The following ATP8A2 variants were observed in gnomAD, a reference collection of about 807,000 sequenced individuals.
ATP8A2 encodes phospholipid-transporting ATPase IB.
Under a neutral mutation model 165.6 loss-of-function variants are expected in ATP8A2, and 100 were observed. The observed-to-expected ratio is 0.60, with a 90% CI of 0.51 to 0.71. ATP8A2 has a LOEUF of 0.71. Among genes scored for constraint, ATP8A2 ranks in the 30% least tolerant of loss-of-function variants. The pLI is 0.00. For missense variants in ATP8A2, 1,227 were observed against 1,479.5 expected, an observed-to-expected ratio of 0.83 and a Z score of 2.80; for synonymous variants, 543 against 548.8, an observed-to-expected ratio of 0.99 and a Z score of 0.15.
chr13:25,588,372 A>G (rs1408559270), intron 23 of ATP8A2, among the ~76,000 whole-genome samples: 2 of 152,160 alleles, frequency 1.3e-5, no homozygotes, highest in African/African-American at 2.4e-5. Context: ...TGTACCTGTT[A>G]GGAGGATTTC....
intron 1 of ATP8A2, among the ~76,000 whole-genome samples, chr13:25,431,624 C>A (rs115338779): frequency 6.6e-6 from 1 of 152,098 alleles, no homozygotes; most frequent in Non-Finnish European, 1.5e-5. Context: ...ACTAAGCAAC[C>A]TTATTTTTTA....
chr13:25,518,306 C>T (rs1258073033), intron 2 of ATP8A2, among the ~76,000 whole-genome samples: 1 of 152,178 alleles, frequency 6.6e-6, no homozygotes, highest in Non-Finnish European at 1.5e-5. Context: ...GGAAGGCTTC[C>T]AGGACATGGG....
chr13:25,757,610 G>A (rs1339933352), intron 25 of ATP8A2, among the ~76,000 whole-genome samples: 2 of 151,992 alleles, frequency 1.3e-5, no homozygotes, highest in Non-Finnish European at 2.9e-5. Flanking sequence ...ACACTCAGTC[G>A]CAGTTGGGTT....
At chr13:25,534,622 AAAC>A (rs1459836666) in intron 6 of ATP8A2, among the ~76,000 whole-genome samples, 3 of 152,230 alleles carry the variant, frequency 2.0e-5, no homozygotes, top group Non-Finnish European at 1.5e-5. Context: ...TTTGGGAGAA[AAAC>A]AACAATAACA....
chr13:25,577,046 CT>C (rs746644306), intron 19 of ATP8A2, 22 bp from the exon 20 acceptor site: 32,485 of 1,051,584 alleles, frequency 0.031, 1 homozygote, highest in South Asian at 0.049. Context: ...CCAATGATGA[CT>C]TTTTTTTTTT....
intron 10 of ATP8A2, among the ~76,000 whole-genome samples, chr13:25,546,464 G>C (rs1205790080): frequency 2.7e-5 from 4 of 150,798 alleles, no homozygotes; most frequent in African/African-American, 9.7e-5. Flanking sequence ...GTCTGTGCTT[G>C]TGCTACTTGA....
At chr13:25,914,897 G>A (rs997572658) in intron 33 of ATP8A2, among the ~76,000 whole-genome samples, 3 of 152,266 alleles carry the variant, frequency 2.0e-5, no homozygotes, top group Middle Eastern at 3.4e-3. Flanking sequence ...TCTGTGGAAC[G>A]CCCTTCTTCC....
intron 1 of ATP8A2, among the ~76,000 whole-genome samples, chr13:25,377,006 A>G (rs750134948): frequency 3.2e-4 from 49 of 152,234 alleles, no homozygotes; most frequent in Non-Finnish European, 6.3e-4. Context: ...CAGGTGGCCA[A>G]TAAGCACCTC....
At chr13:25,452,223 C>G (rs764987214) in intron 1 of ATP8A2, among the ~76,000 whole-genome samples, 5 of 152,178 alleles carry the variant, frequency 3.3e-5, no homozygotes, top group Non-Finnish European at 5.9e-5. Context: ...GGTCACAACC[C>G]AGCTCAGATG....
rs1311497558 is a variant in ATP8A2 at position 25,595,030 on chromosome 13, GTA to G, written c.2211+5344_2211+5345del. Among the ~76,000 whole-genome samples, 21 of 146,574 alleles carry G rather than the reference GTA, an allele frequency of 1.4e-4. 1 individual carries two copies. The highest frequency in any genetic ancestry group is 4.3e-4 in the South Asian group (2 of 4,662). ...TATGTATGTATGCGTATATGTATAT[GTA>G]TATATATATATAATGGAATACTACT... is the stretch of plus-strand genomic sequence containing the variant. On this transcript the variant is annotated intron_variant, in intron 24 of 36. Transcript: ENST00000381655.
At chr13:25,784,756 G>T (rs1033930936) in intron 27 of ATP8A2, among the ~76,000 whole-genome samples, 2 of 152,002 alleles carry the variant, frequency 1.3e-5, no homozygotes, top group Non-Finnish European at 2.9e-5. Flanking sequence ...AGTACTAGAA[G>T]ATACATTTCT....
intron 24 of ATP8A2, among the ~76,000 whole-genome samples, chr13:25,607,932 C>T (rs1479245990): frequency 6.6e-6 from 1 of 152,142 alleles, no homozygotes; most frequent in Non-Finnish European, 1.5e-5. Flanking sequence ...GGGACACAGA[C>T]TTAGAAATGC....
chr13:25,372,258 C>G lies in ATP8A2; in HGVS notation c.46C>G (p.Pro16Ala). ...GLDKALKMSLPRRSRIRSSVG... is the reference protein window; with the variant it reads ...GLDKALKMSLARRSRIRSSVG... ...GGACAAAGCTCTTAAGATGTCCCTG[C>G]CGCGGAGGTCGAGGATCCGCTCGTC... is the stretch of plus-strand genomic sequence containing the variant. The change falls in exon 1 of 37, where the codon CCG (proline) becomes GCG (alanine). Residue 16 changes from proline (P) to alanine (A), a missense_variant. Physicochemically the swap from Pro to Ala is conservative, Grantham distance 27. Transcript: ENST00000381655. This position sits in a 1 kb window ranked among gnomAD's most constrained non-coding sequence, Gnocchi z 4.8. 1 of 1,478,654 alleles carries G rather than the reference C, an allele frequency of 6.8e-7. No homozygotes were observed. The highest frequency in any genetic ancestry group is 1.5e-5 in the African/African-American group (1 of 68,098). 91.6% of individuals were successfully genotyped at this position (1,478,654 alleles called of 1,614,324 possible). A position where few individuals can be genotyped will look rare whatever the true frequency, so the allele number is the denominator to read the frequency against.
rs1163479170 is a variant in ATP8A2 at position 25,961,608 on chromosome 13, T to C, written c.3217T>C (p.Leu1073=). The change falls in exon 34 of 37, where the codon TTG becomes CTG. Residue 1073 remains leucine, a synonymous_variant. Transcript: ENST00000381655. ...GGTCCTGAGCTCCGCACACTTCTGG[T>C]TGGGATTATTTCTGGTTCCTACTGC... is the stretch of plus-strand genomic sequence containing the variant. ...TMVLSSAHFW[L]GLFLVPTACL... 4 of 1,613,940 alleles carry C rather than the reference T, an allele frequency of 2.5e-6. No individual in the cohort carries two copies. The highest frequency in any genetic ancestry group is 2.2e-5 in the East Asian group (1 of 44,896).
At chr13:25,860,918 T>C in intron 32 of ATP8A2, 58 bp downstream of exon 32, 1 of 1,213,912 alleles carries the variant, frequency 8.2e-7, no homozygotes, top group Non-Finnish European at 1.2e-6. Flanking sequence ...ATGCTAGGAT[T>C]TCTTTTTAAG....
chr13:25,787,498 G>A (rs1327914203), intron 27 of ATP8A2, among the ~76,000 whole-genome samples: 1 of 152,220 alleles, frequency 6.6e-6, no homozygotes, highest in Non-Finnish European at 1.5e-5. Flanking sequence ...TGGTGATTAT[G>A]AATAATGCCT....
intron 25 of ATP8A2, among the ~76,000 whole-genome samples, chr13:25,749,884 A>G (rs1030234012): frequency 1.3e-5 from 2 of 152,160 alleles, no homozygotes; most frequent in African/African-American, 4.8e-5. Context: ...TTATTTGGCC[A>G]GGCATGGTGG....
intron 2 of ATP8A2, among the ~76,000 whole-genome samples, chr13:25,521,072 G>T (rs2037657252): frequency 6.6e-6 from 1 of 152,174 alleles, no homozygotes; most frequent in Non-Finnish European, 1.5e-5. Flanking sequence ...ACTGCAGTGA[G>T]ATGATATCTC....
chr13:25,664,014 G>A (rs1036607152), intron 24 of ATP8A2, among the ~76,000 whole-genome samples: 3 of 151,920 alleles, frequency 2.0e-5, no homozygotes, highest in Admixed American at 1.3e-4. Context: ...TTTGAGACCA[G>A]CCTGGGCAAC....
Sources: allele counts gnomAD v4.1 joint callset (sites outside exome capture counted in the v4.1 genomes callset), GRCh38; gene constraint gnomAD v4.1.1; non-coding constraint Gnocchi (gnomAD v3.1); transcripts MANE v1.5; gene names NCBI Gene and HGNC (gene_info 2026-07-23, HGNC 2026-07-21).